RNF17: variants seen among roughly 807,000 people sequenced by gnomAD.
The protein encoded by RNF17 is ring finger protein 17.
A neutral mutation model predicts 200.5 loss-of-function variants in RNF17; 31 were observed. The ratio of observed to expected loss-of-function variants is 0.15; its 90% CI spans 0.12 to 0.21. The LOEUF is 0.21. Among genes scored for constraint, RNF17 ranks in the 10% least tolerant of loss-of-function variants. RNF17 has a pLI of 1.00. For synonymous variants in RNF17, 606 were observed against 637.8 expected (o/e 0.95, Z 0.75); for missense variants, 1,628 against 1,905.1 (o/e 0.85, Z 2.71).
At chr13:24,875,993 C>T (rs1566263912) in intron 33 of RNF17, among the ~76,000 whole-genome samples, 1 of 152,186 alleles carries the variant, frequency 6.6e-6, no homozygotes, top group South Asian at 2.1e-4. Flanking sequence ...AGAGTTTTAC[C>T]TAAATCATTA....
At chr13:24,821,106 A>G (rs756052084) in intron 15 of RNF17, among the ~76,000 whole-genome samples, 16 of 152,088 alleles carry the variant, frequency 1.1e-4, no homozygotes, top group Non-Finnish European at 1.9e-4. Flanking sequence ...CTTGCTGGCA[A>G]TCTTTTGTGC....
Position 24,764,322 on chromosome 13 carries a change from C to T in RNF17, c.119C>T (p.Ser40Phe), listed in dbSNP as rs1311798139. 2.5e-6 allele frequency: 4 copies of T among 1,603,886 alleles called. No individual in the cohort carries two copies. The highest frequency in any genetic ancestry group is 3.4e-6 in the Non-Finnish European group (4 of 1,174,040). ...TGCACCAGGTGTGGAAGGAGGGTAT[C>T]CAGATCATCCGGTGAGGAGCCCAAG... is the stretch of plus-strand genomic sequence containing the variant. Reference protein sequence around the residue: ...IQCTRCGRRVSRSSGHHCELQ... With the variant: ...IQCTRCGRRVFRSSGHHCELQ... Residue 40 changes from serine (S) to phenylalanine (F), a missense_variant, in exon 1 of 36, where the codon TCC becomes TTC. Ser to Phe is a radical substitution (Grantham distance 155). Transcript: ENST00000255324.
intron 5 of RNF17, among the ~76,000 whole-genome samples, chr13:24,781,547 G>T (rs968681960): frequency 9.2e-5 from 14 of 152,130 alleles, no homozygotes; most frequent in African/African-American, 3.1e-4. Context: ...AAGGCAGGAG[G>T]ATCCCTTGAG....
At chr13:24,826,553 C>T (rs148070691) in intron 16 of RNF17, among the ~76,000 whole-genome samples, 117 of 152,154 alleles carry the variant, frequency 7.7e-4, no homozygotes, top group Non-Finnish European at 1.3e-3. Flanking sequence ...GTGGGTGGAT[C>T]GCTTGAGGCC....
Position 24,797,705 on chromosome 13 carries a change from A to AGTGTGTGTGTCTGTGTGTGTGTGTGT in RNF17, c.1399+1420_1399+1421insCTGTGTGTGTGTGTGTGTGTGTGTGT, listed in dbSNP as rs61635829. ...GAGAGAGAGAGAGAGAGAGACAAAG[A>AGTGTGTGTGTCTGTGTGTGTGTGTGT]GTGTGTGTGTGTGTGTGTGTGTGTG... On this transcript the variant is annotated intron_variant, in intron 11 of 35. Coordinates refer to ENST00000255324, the MANE Select transcript of RNF17 (RefSeq NM_031277.3). Among the ~76,000 whole-genome samples, 297 of 119,082 alleles carry AGTGTGTGTGTCTGTGTGTGTGTGTGT rather than the reference A, an allele frequency of 2.5e-3. 8 individuals are homozygous for AGTGTGTGTGTCTGTGTGTGTGTGTGT. Among genetic ancestry groups the AGTGTGTGTGTCTGTGTGTGTGTGTGT allele is most frequent in the African/African-American group, 9.0e-3 (282 of 31,266 alleles). The allele number at this position is 119,082 out of a possible 152,430, so 78.1% of individuals were successfully genotyped here. A position where few individuals can be genotyped will look rare whatever the true frequency, so the allele number is the denominator to read the frequency against.
At chr13:24,774,199 A>ATT (rs67201563) in intron 2 of RNF17, among the ~76,000 whole-genome samples, 28 of 149,796 alleles carry the variant, frequency 1.9e-4, no homozygotes, top group East Asian at 3.9e-4. Context: ...ATATGTTACT[A>ATT]TTTTTTTTTT....
intron 19 of RNF17, 92 bp from the exon 20 acceptor site, chr13:24,843,652 A>G: frequency 5.6e-6 from 4 of 716,398 alleles, no homozygotes; most frequent in South Asian, 1.6e-5. Flanking sequence ...AAATAGTCAT[A>G]TAAGTATCAT....
At chr13:24,855,018 G>A (rs892263510) in intron 25 of RNF17, among the ~76,000 whole-genome samples, 16 of 152,096 alleles carry the variant, frequency 1.1e-4, no homozygotes, top group Non-Finnish European at 2.1e-4. Context: ...TCCTGTGTGC[G>A]TCACTAAACA....
chr13:24,865,582 G>T (rs78995071), intron 29 of RNF17, among the ~76,000 whole-genome samples: 1 of 152,086 alleles, frequency 6.6e-6, no homozygotes, highest in Non-Finnish European at 1.5e-5. Context: ...TATATCACAA[G>T]ATATTTTTAT....
At chr13:24,775,149 G>A (rs1332399625) in intron 3 of RNF17, among the ~76,000 whole-genome samples, 1 of 152,152 alleles carries the variant, frequency 6.6e-6, no homozygotes, top group East Asian at 1.9e-4. Context: ...ATCAAGAAAG[G>A]CTGAGAGTAC....
In RNF17 at chr13:24,827,037, G is replaced by A. The variant is rs188155427; in HGVS notation, c.2245+1265G>A. Among the ~76,000 whole-genome samples, 63 of 151,938 alleles carry A rather than the reference G, an allele frequency of 4.1e-4. No individual in the cohort carries two copies. The East Asian group carries it at 8.1e-3, about 20-fold the overall frequency. On this transcript the variant is annotated intron_variant, in intron 16 of 35. Coordinates refer to ENST00000255324, the MANE Select transcript of RNF17 (RefSeq NM_031277.3). ...ATTGTGCCATTGTACTCCAGCCTGG[G>A]CAACAAGAGCAAAACTCTGTTTCAA...
chr13:24,863,829 A>AATGTGCATGCCACACAACC (rs1893350286), intron 28 of RNF17, among the ~76,000 whole-genome samples: 1 of 152,206 alleles, frequency 6.6e-6, no homozygotes, highest in African/African-American at 2.4e-5. Flanking sequence ...AGAGACCACG[A>AATGTGCATGCCACACAACC]ATGTGCATGC....
At chr13:24,795,655 T>G (rs1884474832) in intron 10 of RNF17, among the ~76,000 whole-genome samples, 1 of 152,182 alleles carries the variant, frequency 6.6e-6, no homozygotes, top group Admixed American at 6.5e-5. Context: ...TTTATAAGAC[T>G]AACCTGATTT....
intron 19 of RNF17, 120 bp downstream of exon 19, chr13:24,842,281 A>G: frequency 3.7e-6 from 3 of 810,132 alleles, no homozygotes; most frequent in Non-Finnish European, 3.6e-6. Context: ...AGACCTGAGA[A>G]TTTTCCCTGT....
chr13:24,795,259 A>T (rs1041455660), intron 10 of RNF17, among the ~76,000 whole-genome samples: 10 of 152,166 alleles, frequency 6.6e-5, no homozygotes, highest in Admixed American at 3.3e-4. Context: ...GAAATTAAAT[A>T]TATATTAAAA....
intron 5 of RNF17, 99 bp downstream of exon 5, chr13:24,779,846 C>A: frequency 3.5e-6 from 3 of 865,560 alleles, no homozygotes; most frequent in South Asian, 1.7e-5. Context: ...GAGCTTAGCA[C>A]TGAGTTATTA....
rs1211903577 is a variant in RNF17 at position 24,854,481 on chromosome 13, T to C, written c.3610+337T>C. Reference sequence around the variant, plus strand: ...ATCAGATGCCAATTTTTTTTTTTAATGAACACTTACTGAGTTGGCATTAAA... The same window carrying C: ...ATCAGATGCCAATTTTTTTTTTTAACGAACACTTACTGAGTTGGCATTAAA... On this transcript the variant is annotated intron_variant, in intron 25 of 35. Transcript: ENST00000255324. 2.0e-5 allele frequency among the ~76,000 whole-genome samples: 3 copies of C among 151,258 alleles called. No individual in the cohort carries two copies. In the East Asian group the frequency reaches 5.9e-4, roughly 29 times the overall value.
rs73461182 is a variant in RNF17, at chr13:24,879,271, G to T, written c.4858G>T (p.Asp1620Tyr). ...GCCGTTGGTAGAAATGGGGCTTGCAGATAAAGATGAATAAGTGCCTAAGTG... is the reference window on the plus strand; with the variant it reads ...GCCGTTGGTAGAAATGGGGCTTGCATATAAAGATGAATAAGTGCCTAAGTG... ...HMPLVEMGLA[D>Y]KDE The change falls in exon 35 of 36, where the codon GAT becomes TAT. Residue 1620 changes from aspartate (D) to tyrosine (Y), a missense_variant. Transcript: ENST00000255324. 1.7e-3 allele frequency: 2,760 copies of T among 1,609,356 alleles called. 53 individuals are homozygous for T. In the African/African-American group the frequency reaches 0.033, roughly 19 times the overall value.
chr13:24,811,977 C>G (rs1886699848), intron 15 of RNF17, among the ~76,000 whole-genome samples: 1 of 151,990 alleles, frequency 6.6e-6, no homozygotes, highest in Non-Finnish European at 1.5e-5. Flanking sequence ...CAGGGACCCA[C>G]TTGAGGAGGC....
Sources: gnomAD v4.1 joint callset for allele counts (sites outside exome capture counted in the v4.1 genomes callset) on GRCh38, gnomAD v4.1.1 for gene constraint, MANE v1.5 for transcripts, NCBI Gene and HGNC (gene_info 2026-07-23, HGNC 2026-07-21) for gene names.